COL6A1: variants seen among roughly 807,000 people sequenced by gnomAD.
COL6A1 encodes the protein collagen type VI alpha 1 chain.
Under a neutral mutation model 145.6 loss-of-function variants are expected in COL6A1, and 80 were observed. The observed-to-expected ratio is 0.55, with a 90% CI of 0.46 to 0.66. COL6A1 has a LOEUF of 0.66. Ranked by LOEUF, COL6A1 falls within the 30% of genes least tolerant of loss-of-function variation. The pLI, the probability that COL6A1 is intolerant of heterozygous loss-of-function variation, is 0.00. For missense variants in COL6A1, 1,364 were observed against 1,473.8 expected, an observed-to-expected ratio of 0.93 and a Z score of 1.22; for synonymous variants, 638 against 622.8, an observed-to-expected ratio of 1.02 and a Z score of -0.36.
At position 45,992,830 on chromosome 21, in the gene COL6A1, G is replaced by A; in HGVS notation, c.1335+20G>A. ...GACCCTGTGAGTCACAGTTCCTGGA[G>A]CTGGGAACCACCCCAGGAAGGGGCA... On this transcript the variant is annotated intron_variant, in intron 19 of 34. Transcript: ENST00000361866. The A allele has an allele frequency of 6.3e-7, 1 of 1,582,490 alleles. No individual in the cohort carries two copies. The highest frequency in any genetic ancestry group is 1.2e-5 in the South Asian group (1 of 86,680).
In COL6A1 at chr21:45,982,744, A is replaced by G. The variant is rs1021588476; in HGVS notation, c.208A>G (p.Ile70Val). The change falls in exon 2 of 35, where the codon ATC becomes GTC. Residue 70 changes from isoleucine to valine, a missense_variant. By Grantham distance (29) the Ile-to-Val change is conservative (BLOSUM62 3). This residue lies in a region of COL6A1 where 414 missense variants were observed against 437.6 expected (regional missense o/e 0.95). Transcript: ENST00000361866. ...DKVKSFTKRF[I>V]DNLRDRYYRC... ...AGTCAAGTCCTTCACCAAGCGCTTC[A>G]TCGACAACCTGAGGGACAGGTAGGA... The G allele has an allele frequency of 1.9e-6, 3 of 1,612,412 alleles. No homozygotes were observed. Among genetic ancestry groups the G allele is most frequent in the African/African-American group, 2.7e-5 (2 of 74,880 alleles).
intron 3 of COL6A1, among the ~76,000 whole-genome samples, chr21:45,985,925 C>T (rs951972861): frequency 2.6e-5 from 4 of 152,184 alleles, no homozygotes; most frequent in East Asian, 1.9e-4. Flanking sequence ...CGTCAGAGTG[C>T]GGCCCCCTGT....
At chr21:45,991,471 A>AG (rs886102874) in intron 15 of COL6A1, among the ~76,000 whole-genome samples, 6 of 148,234 alleles carry the variant, frequency 4.0e-5, no homozygotes, top group Admixed American at 3.3e-4. Context: ...AGCGGGTGGG[A>AG]GGGCGAGTGG....
intron 7 of COL6A1, 22 bp from the exon 8 acceptor site, chr21:45,987,588 G>A: frequency 6.2e-7 from 1 of 1,612,596 alleles, no homozygotes; most frequent in Non-Finnish European, 8.5e-7. Context: ...GGTCCTGGCT[G>A]ACCGTCCCCT....
chr21:45,984,019 AGCAGG>A (rs1262498805), intron 2 of COL6A1, among the ~76,000 whole-genome samples: 1 of 152,200 alleles, frequency 6.6e-6, no homozygotes, highest in Non-Finnish European at 1.5e-5. Flanking sequence ...ACCCCACCCC[AGCAGG>A]GCCACACACT....
At chr21:45,995,624 G>GTGGTAAGAGGCAGTCC (rs2077800588) in intron 20 of COL6A1, among the ~76,000 whole-genome samples, 2 of 152,256 alleles carry the variant, frequency 1.3e-5, no homozygotes, top group Non-Finnish European at 2.9e-5. Context: ...TCAAAGGGTT[G>GTGGTAAGAGGCAGTCC]TGGTAAGAGG....
chr21:45,997,064 AGGCACCAGCCG>A (rs2077809069), intron 20 of COL6A1, among the ~76,000 whole-genome samples: 1 of 150,566 alleles, frequency 6.6e-6, no homozygotes. Flanking sequence ...TGGGGACCTG[AGGCACCAGCCG>A]GGCACTCACC....
At position 46,002,435 on chromosome 21, in the gene COL6A1, G is replaced by T; in HGVS notation, c.2250+34G>T. On this transcript the variant is annotated intron_variant, in intron 32 of 34. Transcript: ENST00000361866. ...GCCACCCCCAGGCTGCACCTGCCCC[G>T]CCTAGGGCGCCCCGCCAGCCAGGGT... The T allele has an allele frequency of 3.1e-6, 5 of 1,612,130 alleles. No individual in the cohort carries two copies. In the African/African-American group the frequency reaches 5.3e-5, roughly 17 times the overall value.
In COL6A1 at chr21:45,997,778, C is replaced by T; in HGVS notation, c.1524+16C>T. 6.3e-7 allele frequency: 1 copy of T among 1,576,458 alleles called. No individual in the cohort carries two copies. Among genetic ancestry groups the T allele is most frequent in the Non-Finnish European group, 8.6e-7 (1 of 1,161,306 alleles). On this transcript the variant is annotated intron_variant, in intron 22 of 34. Transcript: ENST00000361866. ...GGGTGAAAGGGTGAGTGTCCAACAG[C>T]TCGGGCCCTAGGGCGGAGGCCTGGC...
chr21:45,998,132 C>T lies in COL6A1; in HGVS notation c.1536C>T (p.Gly512=), dbSNP rs1348795301. ...CTCTGCTCCCCCAGGGAGAAGACGG[C>T]CCCGCTGGAAATGGCACCGAGGGCT... is the stretch of plus-strand genomic sequence containing the variant. ...PGLMGERGED[G]PAGNGTEGFP... Residue 512 remains glycine (G), a synonymous_variant, in exon 23 of 35, where the codon GGC becomes GGT. Transcript: ENST00000361866. The T allele has an allele frequency of 1.2e-6, 2 of 1,612,140 alleles. No homozygotes were observed. Among genetic ancestry groups the T allele is most frequent in the Non-Finnish European group, 1.7e-6 (2 of 1,179,724 alleles).
chr21:45,987,355 T>A, intron 6 of COL6A1, 144 bp from the exon 7 acceptor site: 1 of 1,467,430 alleles, frequency 6.8e-7, no homozygotes, highest in South Asian at 1.1e-5. Flanking sequence ...CCTGTGTGTC[T>A]GCCCATGTGC....
chr21:45,991,338 C>T (rs865922822), intron 15 of COL6A1, among the ~76,000 whole-genome samples: 14 of 152,360 alleles, frequency 9.2e-5, no homozygotes, highest in Middle Eastern at 6.8e-3. Context: ...GGGACCCCAC[C>T]GCGTCACTCC....
intron 24 of COL6A1, 60 bp from the exon 25 acceptor site, chr21:45,998,837 T>A (rs2077821672): frequency 6.6e-7 from 1 of 1,525,282 alleles, no homozygotes; most frequent in Non-Finnish European, 8.9e-7. Flanking sequence ...CTTTTAAAAT[T>A]TCCACTTCCT....
Position 45,994,054 on chromosome 21 carries a change from G to C in COL6A1, c.1336-113G>C. ...GGAAGGGGCTGTGCGGGGAGGGAAGGCCGGAACAGCCCAGTGACCACCTGG... is the reference window on the plus strand; with the variant it reads ...GGAAGGGGCTGTGCGGGGAGGGAAGCCCGGAACAGCCCAGTGACCACCTGG... On this transcript the variant is annotated intron_variant, in intron 19 of 34. Transcript: ENST00000361866. The surrounding 1 kb of genome is among the most constrained non-coding windows in gnomAD (Gnocchi z 6.8). The C allele has an allele frequency of 3.6e-6, 4 of 1,105,424 alleles. No individual in the cohort carries two copies. In the South Asian group the frequency reaches 5.3e-5, roughly 15 times the overall value. The allele number at this position is 1,105,424 out of a possible 1,614,324, so 68.5% of individuals were successfully genotyped here.
chr21:45,995,703 T>TC lies in COL6A1; in HGVS notation c.1398+1477dup, dbSNP rs2077801041. The stretch of plus-strand genomic sequence containing the variant: ...GGCAGGCTGCACAGGGGCTGGTGGG[T>TC]CCCATGCCTGGGGGTCTGGGAATAG... On this transcript the variant is annotated intron_variant, in intron 20 of 34. Transcript: ENST00000361866. Among the ~76,000 whole-genome samples the TC allele has an allele frequency of 2.0e-5, 3 of 151,832 alleles. No individual in the cohort carries two copies. The South Asian group carries it at 6.2e-4, about 32-fold the overall frequency.
chr21:45,999,874 GGGGGATGTGTGAGGACCATAGA>G (rs2077828913), intron 27 of COL6A1, among the ~76,000 whole-genome samples, 182 bp downstream of exon 27: 8 of 97,630 alleles, frequency 8.2e-5, no homozygotes, highest in African/African-American at 1.1e-4. Context: ...GAGGATCATA[GGGGGATGTGTGAGGACCATAGA>G]GGGGACATGT....
intron 29 of COL6A1, 165 bp downstream of exon 29, chr21:46,000,932 C>T: frequency 2.2e-6 from 2 of 929,858 alleles, no homozygotes; most frequent in East Asian, 2.5e-5. Flanking sequence ...AGCAGGGTTC[C>T]CGGGTGTTGG....
chr21:45,996,463 C>T (rs1166017157), intron 20 of COL6A1, among the ~76,000 whole-genome samples: 1 of 152,204 alleles, frequency 6.6e-6, no homozygotes, highest in Non-Finnish European at 1.5e-5. Context: ...GTGGAGGCCA[C>T]GGGGTCAGGA....
rs2077868786 is a variant in COL6A1, at chr21:46,004,354, C to T, written c.*341C>T. On this transcript the variant is annotated 3_prime_UTR_variant, in exon 35 of 35. Transcript: ENST00000361866. ...GCTGGCCTCACCTGGGTTCCCCACC[C>T]CGGGCTCTCCTGCCCTGCCCTCCTG... The T allele has an allele frequency of 2.4e-6, 1 of 419,894 alleles. No individual in the cohort carries two copies. 26.0% of individuals were successfully genotyped at this position (419,894 alleles called of 1,614,324 possible).
Sources: allele counts gnomAD v4.1 joint callset (sites outside exome capture counted in the v4.1 genomes callset), GRCh38; gene constraint gnomAD v4.1.1; regional missense constraint gnomAD v4.1.1; non-coding constraint Gnocchi (gnomAD v3.1); transcripts MANE v1.5; gene names NCBI Gene and HGNC (gene_info 2026-07-23, HGNC 2026-07-21).